Variants in CRYL1 observed in about 807,000 individuals in gnomAD.
The protein encoded by CRYL1 is lambda-crystallin homolog.
A neutral mutation model predicts 36.6 loss-of-function variants in CRYL1; 29 were observed. That is an observed-to-expected ratio of 0.79 (90% CI 0.59 to 1.08). The LOEUF (loss-of-function observed/expected upper bound fraction) is 1.08. Ranked by LOEUF, CRYL1 falls within the 50% of genes least tolerant of loss-of-function variation. The probability of loss-of-function intolerance (pLI) is 0.00; values close to 1 mark genes in which losing one functional copy is unlikely to be tolerated. For synonymous variants in CRYL1, 152 were observed against 151.5 expected (o/e 1.00, Z -0.02); for missense variants, 411 against 407.9 (o/e 1.01, Z -0.06).
At chr13:20,518,119 C>G (rs1406140565) in intron 1 of CRYL1, among the ~76,000 whole-genome samples, 1 of 151,880 alleles carries the variant, frequency 6.6e-6, no homozygotes, top group Non-Finnish European at 1.5e-5. Context: ...TCAGCTGGCT[C>G]TTGCCATGGG....
intron 5 of CRYL1, among the ~76,000 whole-genome samples, chr13:20,424,759 A>G (rs975020026): frequency 6.6e-6 from 1 of 152,186 alleles, no homozygotes; most frequent in Admixed American, 6.5e-5. Context: ...GAGGGAGAAC[A>G]CATCCTTTCT....
At chr13:20,490,685 A>C (rs2033493415) in intron 2 of CRYL1, among the ~76,000 whole-genome samples, 1 of 152,034 alleles carries the variant, frequency 6.6e-6, no homozygotes, top group African/African-American at 2.4e-5. Flanking sequence ...GTTGGAAAAC[A>C]GTGGTTCTTA....
At chr13:20,430,426 T>A in intron 5 of CRYL1, 1 of 984,730 alleles carries the variant, frequency 1.0e-6, no homozygotes, top group Non-Finnish European at 1.2e-6. Context: ...AAGCCAGGAG[T>A]AAGAATGTTC....
At chr13:20,497,245 C>CAG (rs2033620483) in intron 2 of CRYL1, among the ~76,000 whole-genome samples, 1 of 151,706 alleles carries the variant, frequency 6.6e-6, no homozygotes, top group Admixed American at 6.6e-5. Flanking sequence ...GAGAGCCATG[C>CAG]GTGCCCACAC....
intron 3 of CRYL1, among the ~76,000 whole-genome samples, chr13:20,450,225 T>C (rs1283929066): frequency 4.6e-5 from 7 of 152,124 alleles, no homozygotes; most frequent in African/African-American, 1.4e-4. Context: ...CAGCATGATA[T>C]TGATACAAAA....
intron 4 of CRYL1, among the ~76,000 whole-genome samples, chr13:20,436,182 C>A (rs1210595521): frequency 6.6e-6 from 1 of 151,558 alleles, no homozygotes; most frequent in Non-Finnish European, 1.5e-5. Flanking sequence ...CACCGCACGC[C>A]CCAGTCTGCC....
chr13:20,491,971 A>G (rs2033522342), intron 2 of CRYL1, among the ~76,000 whole-genome samples: 1 of 152,238 alleles, frequency 6.6e-6, no homozygotes, highest in South Asian at 2.1e-4. Flanking sequence ...GTCCAAGGTA[A>G]GTGCCAGTAA....
intron 3 of CRYL1, among the ~76,000 whole-genome samples, chr13:20,445,020 T>G (rs2032425229): frequency 6.6e-6 from 1 of 152,240 alleles, no homozygotes; most frequent in Admixed American, 6.5e-5. Context: ...CAAATCCTTT[T>G]TTATTTTTAA....
chr13:20,416,237 A>G (rs896018510), intron 5 of CRYL1, among the ~76,000 whole-genome samples: 5 of 152,202 alleles, frequency 3.3e-5, no homozygotes, highest in Non-Finnish European at 7.4e-5. Context: ...ACTGCTAAGG[A>G]GAGTGAATCA....
chr13:20,404,724 C>A lies in CRYL1; in HGVS notation c.757G>T (p.Asp253Tyr), dbSNP rs145530540. The change falls in exon 7 of 8, where the codon GAC (aspartate) becomes TAC (tyrosine). Residue 253 changes from aspartate to tyrosine, a missense_variant. Coordinates refer to ENST00000298248, the MANE Select transcript of CRYL1 (RefSeq NM_015974.3). ...LNAEGMLSYC[D>Y]RYSEGIKHVL... Reference sequence around the variant, plus strand: ...TGTTTTATGCCTTCGCTGTATCTGTCGCAGTAGCTTAACATACCTGGAATT... The same window carrying A: ...TGTTTTATGCCTTCGCTGTATCTGTAGCAGTAGCTTAACATACCTGGAATT... The A allele has an allele frequency of 6.2e-7, 1 of 1,612,600 alleles. No homozygotes were observed. The highest frequency in any genetic ancestry group is 1.1e-5 in the South Asian group (1 of 91,006).
chr13:20,507,687 GGC>G (rs2033819500), intron 2 of CRYL1, among the ~76,000 whole-genome samples: 4 of 152,250 alleles, frequency 2.6e-5, no homozygotes, highest in East Asian at 3.9e-4. Flanking sequence ...GGGAGGCCAA[GGC>G]AGGCGGATCA....
chr13:20,463,051 C>A (rs1009664080), intron 3 of CRYL1, among the ~76,000 whole-genome samples: 4 of 152,094 alleles, frequency 2.6e-5, no homozygotes, highest in African/African-American at 9.7e-5. Flanking sequence ...TAAGAAGAAA[C>A]GGCAGCAGAA....
intron 4 of CRYL1, 79 bp downstream of exon 4, chr13:20,439,514 C>CAAAAAAAAA (rs56087130): frequency 1.8e-5 from 6 of 331,810 alleles, no homozygotes; most frequent in Admixed American, 7.2e-5. Context: ...CCCTCCCCCG[C>CAAAAAAAAA]AAAAAAAAAA....
At chr13:20,522,450 T>C in intron 1 of CRYL1, among the ~76,000 whole-genome samples, 1 of 152,088 alleles carries the variant, frequency 6.6e-6, no homozygotes. Flanking sequence ...GCCTTTCTAG[T>C]TTATGGGATG....
chr13:20,432,072 G>A, intron 5 of CRYL1, 30 bp downstream of exon 5: 1 of 1,613,774 alleles, frequency 6.2e-7, no homozygotes, highest in Non-Finnish European at 8.5e-7. Flanking sequence ...GAAAGGAAGG[G>A]AGGGAGGGAG....
chr13:20,522,482 G>A (rs546737228), intron 1 of CRYL1, among the ~76,000 whole-genome samples: 16 of 152,176 alleles, frequency 1.1e-4, no homozygotes, highest in East Asian at 7.7e-4. Flanking sequence ...ATAAAACAAC[G>A]TCCTACCAAG....
intron 4 of CRYL1, among the ~76,000 whole-genome samples, chr13:20,438,910 A>G (rs925289287): frequency 1.3e-5 from 2 of 152,110 alleles, no homozygotes; most frequent in African/African-American, 4.8e-5. Context: ...CCTCACTTCA[A>G]TACATTAATC....
intron 3 of CRYL1, among the ~76,000 whole-genome samples, chr13:20,472,218 C>T (rs1005574478): frequency 3.3e-5 from 5 of 152,068 alleles, no homozygotes; most frequent in Non-Finnish European, 7.4e-5. Flanking sequence ...TGCACATCCT[C>T]CTATATACTT....
rs187316183 is a variant in CRYL1, at chr13:20,415,074, C to T, written c.634-1687G>A. ...CTTCCCATCGCGGCCTGGGCGGGCC[C>T]GCCTGCCCTCGGCTGAGCCCGGTTT... On this transcript the variant is annotated intron_variant, in intron 5 of 7. Transcript: ENST00000298248. This position sits in a 1 kb window ranked among gnomAD's most constrained non-coding sequence, Gnocchi z 4.1. Among the ~76,000 whole-genome samples the T allele has an allele frequency of 2.4e-3, 373 of 152,300 alleles. 1 individual carries two copies. Among genetic ancestry groups the T allele is most frequent in the South Asian group, 4.1e-3 (20 of 4,834 alleles).
Sources: allele counts gnomAD v4.1 joint callset (sites outside exome capture counted in the v4.1 genomes callset), GRCh38; gene constraint gnomAD v4.1.1; non-coding constraint Gnocchi (gnomAD v3.1); transcripts MANE v1.5; gene names NCBI Gene and HGNC (gene_info 2026-07-23, HGNC 2026-07-21).